The following ZSCAN23 variants were observed in gnomAD, a reference collection of about 807,000 sequenced individuals.
The protein encoded by ZSCAN23 is zinc finger and SCAN domain containing 23.
ZSCAN23 carries 19 observed loss-of-function variants against 19.3 expected under a neutral mutation model. That is an observed-to-expected ratio of 0.99 (90% CI 0.69 to 1.45). The LOEUF (loss-of-function observed/expected upper bound fraction) is 1.45. Ranked by LOEUF, ZSCAN23 falls within the 40% of genes most tolerant of loss-of-function variation. The pLI is 0.00. For synonymous variants in ZSCAN23, 140 were observed against 166.2 expected, an observed-to-expected ratio of 0.84 and a Z score of 1.21; for missense variants, 372 against 462.5, an observed-to-expected ratio of 0.80 and a Z score of 1.79.
At chr6:28,442,814 G>A (rs1392630013) in intron 1 of ZSCAN23, among the ~76,000 whole-genome samples, 1 of 152,186 alleles carries the variant, frequency 6.6e-6, no homozygotes, top group Non-Finnish European at 1.5e-5. Flanking sequence ...TTTTAAAAAG[G>A]GGCGGGACAG....
At chr6:28,437,286 AG>A (rs1303112052) in intron 1 of ZSCAN23, among the ~76,000 whole-genome samples, 10 of 152,316 alleles carry the variant, frequency 6.6e-5, no homozygotes, top group Non-Finnish European at 1.5e-4. Context: ...TTCTCTTTGA[AG>A]CTACTTGAAG....
the ZSCAN23 span, among the ~76,000 whole-genome samples, chr6:28,424,825 A>T: frequency 6.6e-6 from 1 of 152,212 alleles, no homozygotes; most frequent in Non-Finnish European, 1.5e-5. Flanking sequence ...TGTGAAAGTC[A>T]TCCATGAGGA....
rs1168713268 is a variant in ZSCAN23, at chr6:28,432,883, C to T, written c.*1582G>A. ...AATAAGATTATACATTCATATTTGCCTATATTTACATAAAGAAACACTGAA... is the reference window on the plus strand; with the variant it reads ...AATAAGATTATACATTCATATTTGCTTATATTTACATAAAGAAACACTGAA... On this transcript the variant is annotated 3_prime_UTR_variant, in exon 4 of 4. Transcript: ENST00000289788. 2 of 151,940 alleles carry T rather than the reference C, an allele frequency of 1.3e-5. No individual in the cohort carries two copies. The highest frequency in any genetic ancestry group is 2.9e-5 in the Non-Finnish European group (2 of 67,956). 9.4% of individuals were successfully genotyped at this position (151,940 alleles called of 1,614,324 possible).
At chr6:28,427,312 T>C (rs1581798385), downstream of ZSCAN23, among the ~76,000 whole-genome samples, 4 of 152,354 alleles carry the variant, frequency 2.6e-5, 1 homozygote, top group South Asian at 8.3e-4. Flanking sequence ...CTTCCATAAG[T>C]TGGTTTTTGT....
Position 28,434,186 on chromosome 6 carries a change from A to G in ZSCAN23, c.*279T>C, listed in dbSNP as rs1327966951. 2 of 316,464 alleles carry G rather than the reference A, an allele frequency of 6.3e-6. No homozygotes were observed. Among genetic ancestry groups the G allele is most frequent in the Non-Finnish European group, 1.2e-5 (2 of 172,478 alleles). The allele number at this position is 316,464 out of a possible 1,614,324, so 19.6% of individuals were successfully genotyped here. A position where few individuals can be genotyped will look rare whatever the true frequency, so the allele number is the denominator to read the frequency against. On this transcript the variant is annotated 3_prime_UTR_variant, in exon 4 of 4. Transcript: ENST00000289788. ...CTTTTAAAAAAAGTTTTTAAAAACTAGGATGAAGAAGTTTTCCTGAAATAG... is the reference window on the plus strand; with the variant it reads ...CTTTTAAAAAAAGTTTTTAAAAACTGGGATGAAGAAGTTTTCCTGAAATAG...
At chr6:28,421,460 C>T in the ZSCAN23 span, among the ~76,000 whole-genome samples, 6 of 152,044 alleles carry the variant, frequency 3.9e-5, no homozygotes, top group Non-Finnish European at 8.8e-5. Context: ...TAGAATGTCA[C>T]CATTTTGGGA....
chr6:28,436,775 G>A (rs899968496), intron 1 of ZSCAN23, among the ~76,000 whole-genome samples: 4 of 152,134 alleles, frequency 2.6e-5, no homozygotes, highest in Non-Finnish European at 4.4e-5. Context: ...AATAAGAACC[G>A]TAAGAAATGC....
At chr6:28,441,227 G>A (rs914951579) in intron 1 of ZSCAN23, among the ~76,000 whole-genome samples, 1 of 152,000 alleles carries the variant, frequency 6.6e-6, no homozygotes, top group Non-Finnish European at 1.5e-5. Flanking sequence ...TATATCCCAC[G>A]ACCCTCACCT....
the ZSCAN23 span, among the ~76,000 whole-genome samples, chr6:28,422,233 GA>G: frequency 6.6e-6 from 1 of 151,086 alleles, no homozygotes; most frequent in African/African-American, 2.4e-5. This position sits in a 1 kb window ranked among gnomAD's most constrained non-coding sequence, Gnocchi z 4.0. Flanking sequence ...ACAGAGTGAA[GA>G]AAAAAAGAAA....
intron 1 of ZSCAN23, among the ~76,000 whole-genome samples, chr6:28,440,871 T>C (rs1761985509): frequency 6.6e-6 from 1 of 152,154 alleles, no homozygotes; most frequent in Non-Finnish European, 1.5e-5. Flanking sequence ...TCTGGTGGCC[T>C]TAATACCCAG....
downstream of ZSCAN23, among the ~76,000 whole-genome samples, chr6:28,429,773 A>AG (rs898693014): frequency 5.3e-5 from 8 of 152,186 alleles, no homozygotes; most frequent in African/African-American, 1.4e-4. Context: ...GCCCTGGAAA[A>AG]GGGGGCAACA....
At position 28,434,785 on chromosome 6, in the gene ZSCAN23, G is replaced by A. The variant is rs938927538; in HGVS notation, c.850C>T (p.Arg284Trp). The A allele has an allele frequency of 8.7e-6, 14 of 1,601,220 alleles. No individual in the cohort carries two copies. The highest frequency in any genetic ancestry group is 1.6e-4 in the Middle Eastern group (1 of 6,076). Reference sequence around the variant, plus strand: ...AGGCCTGACCTCTGGCTGAAGGCCCGCCCACACTCATCACATTCATAAGGC... The same window carrying A: ...AGGCCTGACCTCTGGCTGAAGGCCCACCCACACTCATCACATTCATAAGGC... ...EKPYECDECG[R>W]AFSQRSGLFQ... is the part of the protein sequence containing the mutation. The change falls in exon 4 of 4, where the codon CGG becomes TGG. Residue 284 changes from arginine (R) to tryptophan (W), a missense_variant. By Grantham distance (101) the Arg-to-Trp change is moderately radical. Transcript: ENST00000289788.
downstream of ZSCAN23, among the ~76,000 whole-genome samples, chr6:28,431,747 G>A (rs1761764671): frequency 6.6e-6 from 1 of 152,200 alleles, no homozygotes; most frequent in Non-Finnish European, 1.5e-5. Flanking sequence ...AAGGCAGTGA[G>A]ATTTTCACTG....
the ZSCAN23 span, among the ~76,000 whole-genome samples, chr6:28,425,176 G>A: frequency 0.011 from 1,656 of 152,228 alleles, 35 homozygotes; most frequent in African/African-American, 0.036. Flanking sequence ...GTAATATTTC[G>A]AAAGGAATCT....
In ZSCAN23 at chr6:28,443,485, T is replaced by A. The variant is rs563367006; in HGVS notation, c.-164A>T. The stretch of plus-strand genomic sequence containing the variant: ...AACCGCAGCCCAAAGAATGATAAAC[T>A]ACAAAGGCCGGAAATGCGTCACCGC... On this transcript the variant is annotated 5_prime_UTR_variant, in exon 1 of 4. Coordinates refer to ENST00000289788, the MANE Select transcript of ZSCAN23 (RefSeq NM_001012455.2). 1 of 152,220 alleles carries A rather than the reference T, an allele frequency of 6.6e-6. No homozygotes were observed. The highest frequency in any genetic ancestry group is 1.5e-5 in the Non-Finnish European group (1 of 68,062). The allele number at this position is 152,220 out of a possible 1,614,324, so 9.4% of individuals were successfully genotyped here.
intron 1 of ZSCAN23, among the ~76,000 whole-genome samples, chr6:28,437,757 A>G (rs905289938): frequency 6.6e-6 from 1 of 152,190 alleles, no homozygotes; most frequent in Non-Finnish European, 1.5e-5. Flanking sequence ...GAAATATTTT[A>G]TATTATAACC....
At position 28,434,991 on chromosome 6, in the gene ZSCAN23, T is replaced by C; in HGVS notation, c.644A>G (p.Lys215Arg). ...EVKSLIQVLG[K>R]QNGNITQIPE... Reference sequence around the variant, plus strand: ...AATCTGAGTAATATTACCATTCTGTTTTCCAAGAACTTGTATAAGAGATTT... The same window carrying C: ...AATCTGAGTAATATTACCATTCTGTCTTCCAAGAACTTGTATAAGAGATTT... The change falls in exon 4 of 4, where the codon AAA becomes AGA. Residue 215 changes from lysine (K) to arginine (R), a missense_variant. Lys to Arg is a conservative substitution (Grantham distance 26). Coordinates refer to ENST00000289788, the MANE Select transcript of ZSCAN23 (RefSeq NM_001012455.2). The C allele has an allele frequency of 6.4e-7, 1 of 1,551,742 alleles. No individual in the cohort carries two copies. Among genetic ancestry groups the C allele is most frequent in the Non-Finnish European group, 8.7e-7 (1 of 1,147,016 alleles).
chr6:28,428,206 ATCTT>A (rs1199734934), downstream of ZSCAN23, among the ~76,000 whole-genome samples: 1 of 152,106 alleles, frequency 6.6e-6, no homozygotes, highest in Non-Finnish European at 1.5e-5. Flanking sequence ...TCTCATACCA[ATCTT>A]TCTTTGGAGC....
chr6:28,434,266 T>G lies in ZSCAN23; in HGVS notation c.*199A>C. 1 of 564,958 alleles carries G rather than the reference T, an allele frequency of 1.8e-6. No individual in the cohort carries two copies. Among genetic ancestry groups the G allele is most frequent in the South Asian group, 3.6e-5 (1 of 27,958 alleles). 35.0% of individuals were successfully genotyped at this position (564,958 alleles called of 1,614,324 possible). On this transcript the variant is annotated 3_prime_UTR_variant, in exon 4 of 4. Transcript: ENST00000289788. Reference sequence around the variant, plus strand: ...TAGGTCTACAGCATACATGATGAAATCAACACAAGAGGCAACATTCAGTAT... The same window carrying G: ...TAGGTCTACAGCATACATGATGAAAGCAACACAAGAGGCAACATTCAGTAT...
Sources: gnomAD v4.1 joint callset for allele counts (sites outside exome capture counted in the v4.1 genomes callset) on GRCh38, gnomAD v4.1.1 for gene constraint, Gnocchi (gnomAD v3.1) non-coding constraint, MANE v1.5 for transcripts, NCBI Gene and HGNC (gene_info 2026-07-23, HGNC 2026-07-21) for gene names.